The following COG6 variants were observed in gnomAD, a reference collection of about 807,000 sequenced individuals.
The protein encoded by COG6 is conserved oligomeric Golgi complex subunit 6.
COG6 carries 74 observed loss-of-function variants against 88.8 expected under a neutral mutation model. The ratio of observed to expected loss-of-function variants is 0.83; its 90% confidence interval spans 0.69 to 1.01. COG6 has a LOEUF of 1.01. COG6 is among the 50% of genes least tolerant of loss of function. The pLI, the probability that COG6 is intolerant of heterozygous loss-of-function variation, is 0.00. For missense variants in COG6, 800 were observed against 797.9 expected (o/e 1.00, Z -0.03); for synonymous variants, 286 against 278.7 (o/e 1.03, Z -0.26).
At chr13:39,782,636 T>A (rs752739618) in intron 18 of COG6, among the ~76,000 whole-genome samples, 52 of 152,274 alleles carry the variant, frequency 3.4e-4, no homozygotes, top group Non-Finnish European at 7.6e-4. Flanking sequence ...GCTACACCTG[T>A]CCTTGAACAT....
chr13:39,789,556 A>G (rs908911920), exon 19 of COG6: 1 of 152,066 alleles, frequency 6.6e-6, no homozygotes, highest in African/African-American at 2.4e-5. Context: ...GCCCAGACTC[A>G]TTCCCATCAC....
intron 11 of COG6, among the ~76,000 whole-genome samples, chr13:39,691,777 A>G (rs892598768): frequency 3.9e-5 from 6 of 151,914 alleles, no homozygotes; most frequent in Non-Finnish European, 8.8e-5. Context: ...TTTTTTTGCA[A>G]TTATAATTCT....
downstream of COG6, among the ~76,000 whole-genome samples, chr13:39,756,240 A>G (rs1367941039): frequency 6.6e-6 from 1 of 152,174 alleles, no homozygotes; most frequent in Non-Finnish European, 1.5e-5. Context: ...GAGAATTAGT[A>G]CACAGAATAA....
chr13:39,761,908 A>G (rs1411921382), intron 18 of COG6, among the ~76,000 whole-genome samples: 3 of 151,782 alleles, frequency 2.0e-5, no homozygotes, highest in Admixed American at 2.0e-4. Context: ...ATGGGAATGC[A>G]TATGCTGTTG....
At chr13:39,715,433 A>AT (rs975913324) in intron 13 of COG6, among the ~76,000 whole-genome samples, 24 of 151,116 alleles carry the variant, frequency 1.6e-4, no homozygotes, top group African/African-American at 3.2e-4. Flanking sequence ...GATTTATTAG[A>AT]TTTTTTTTTC....
chr13:39,713,958 G>A (rs1878382259), intron 13 of COG6, among the ~76,000 whole-genome samples: 1 of 152,110 alleles, frequency 6.6e-6, no homozygotes, highest in Non-Finnish European at 1.5e-5. Flanking sequence ...CCTTGTTGCC[G>A]ATCTAATGGA....
intron 18 of COG6, among the ~76,000 whole-genome samples, chr13:39,766,868 A>C (rs1351073116): frequency 6.6e-6 from 1 of 152,220 alleles, no homozygotes; most frequent in East Asian, 1.9e-4. Context: ...CTGAAGAATC[A>C]ACAGAGTATT....
intron 16 of COG6, 37 bp from the exon 17 acceptor site, chr13:39,724,471 A>C: frequency 6.9e-7 from 1 of 1,441,014 alleles, no homozygotes; most frequent in Non-Finnish European, 9.5e-7. Context: ...CCTTTTTTAC[A>C]TCTTGGATCT....
intron 4 of COG6, among the ~76,000 whole-genome samples, chr13:39,665,721 T>C (rs75597655): frequency 0.059 from 9,022 of 152,276 alleles, 383 homozygotes; most frequent in Non-Finnish European, 0.095. Context: ...TGTGGAGTAG[T>C]ATAGGGGGGG....
intron 16 of COG6, 118 bp downstream of exon 16, chr13:39,723,558 G>C: frequency 2.9e-6 from 2 of 686,068 alleles, no homozygotes; most frequent in South Asian, 3.1e-5. Flanking sequence ...TCCTGGGAAA[G>C]TGACTTATTT....
chr13:39,673,873 C>T (rs1875798864), intron 4 of COG6, among the ~76,000 whole-genome samples: 1 of 151,440 alleles, frequency 6.6e-6, no homozygotes, highest in South Asian at 2.1e-4. Context: ...TTTTTTATAT[C>T]AAGAGGATCA....
chr13:39,698,685 AT>A (rs1877408833), intron 12 of COG6, among the ~76,000 whole-genome samples: 1 of 151,884 alleles, frequency 6.6e-6, no homozygotes, highest in Non-Finnish European at 1.5e-5. Context: ...ACAATCTAAA[AT>A]TTTTTAGGCA....
chr13:39,726,464 A>G (rs935529430), intron 17 of COG6, among the ~76,000 whole-genome samples: 3 of 151,960 alleles, frequency 2.0e-5, no homozygotes, highest in Non-Finnish European at 2.9e-5. Flanking sequence ...CCTTCATTCT[A>G]TCAGTAACCA....
intron 13 of COG6, among the ~76,000 whole-genome samples, chr13:39,712,047 A>G (rs531976316): frequency 2.6e-5 from 4 of 152,154 alleles, no homozygotes; most frequent in Non-Finnish European, 5.9e-5. Context: ...TTTAGTAGAG[A>G]CGGGGTTTCG....
chr13:39,775,551 C>T (rs555276178), intron 18 of COG6, among the ~76,000 whole-genome samples: 3 of 152,270 alleles, frequency 2.0e-5, no homozygotes, highest in African/African-American at 7.2e-5. Flanking sequence ...GTTTCCTCAT[C>T]ACTAAAACTG....
At position 39,655,815 on chromosome 13, in the gene COG6, C is replaced by T. The variant is rs761450658; in HGVS notation, c.89C>T (p.Thr30Met). Residue 30 changes from threonine to methionine, a missense_variant, in exon 1 of 19, where the codon ACG (threonine) becomes ATG (methionine). Physicochemically the swap from Thr to Met is moderately conservative, Grantham distance 81. Transcript: ENST00000455146. ...AATGGGGCAGGCGGGACCTCGGCGA[C>T]GACCTGCAACCCGCTGTCGCGCAAG... ...LNNGAGGTSA[T>M]TCNPLSRKLH... The T allele has an allele frequency of 1.9e-6, 3 of 1,601,056 alleles. No homozygotes were observed. The highest frequency in any genetic ancestry group is 1.7e-5 in the Admixed American group (1 of 58,758).
intron 4 of COG6, among the ~76,000 whole-genome samples, chr13:39,672,025 A>G (rs1410783672): frequency 2.6e-5 from 4 of 151,970 alleles, no homozygotes; most frequent in African/African-American, 9.7e-5. Flanking sequence ...AAACTTTTCA[A>G]CTGAATATGT....
chr13:39,786,862 G>A (rs1881788253), intron 18 of COG6, among the ~76,000 whole-genome samples: 1 of 152,080 alleles, frequency 6.6e-6, no homozygotes, highest in South Asian at 2.1e-4. Flanking sequence ...CATGAGAAGA[G>A]GAAGAAGCCT....
intron 16 of COG6, 130 bp from the exon 17 acceptor site, chr13:39,724,378 T>C: frequency 1.5e-6 from 1 of 684,336 alleles, no homozygotes; most frequent in Non-Finnish European, 2.6e-6. Context: ...ACTTGAGTTC[T>C]TTGGAAATAA....
Sources: allele counts gnomAD v4.1 joint callset (sites outside exome capture counted in the v4.1 genomes callset), GRCh38; gene constraint gnomAD v4.1.1; transcripts MANE v1.5; gene names NCBI Gene and HGNC (gene_info 2026-07-23, HGNC 2026-07-21).